CNTLN: variants seen among roughly 807,000 people sequenced by gnomAD.
CNTLN encodes centlein, also known as centlein, centrosomal protein.
CNTLN carries 212 observed loss-of-function variants against 180.0 expected under a neutral mutation model. The observed-to-expected ratio is 1.18, with a 90% CI of 1.05 to 1.32. The LOEUF (loss-of-function observed/expected upper bound fraction) is 1.32, where lower values mean the gene tolerates loss of function less well. CNTLN is among the 40% of genes most tolerant of loss of function. The pLI is 0.00. For synonymous variants in CNTLN, 722 were observed against 563.1 expected (o/e 1.28, Z -3.99); for missense variants, 2,095 against 1,610.9 (o/e 1.30, Z -5.14).
chr9:17,516,290 G>A, the CNTLN span, among the ~76,000 whole-genome samples: 11 of 152,142 alleles, frequency 7.2e-5, no homozygotes, highest in East Asian at 5.8e-4. Context: ...TCTATAGACC[G>A]TAAGTCATGT....
intron 5 of CNTLN, among the ~76,000 whole-genome samples, chr9:17,254,575 T>C (rs947111380): frequency 1.3e-5 from 2 of 151,608 alleles, no homozygotes; most frequent in African/African-American, 4.8e-5. Context: ...AGTCATCAGT[T>C]GGTCTTGGTA....
chr9:17,359,893 G>A (rs1362474500), intron 12 of CNTLN, among the ~76,000 whole-genome samples: 2 of 151,112 alleles, frequency 1.3e-5, no homozygotes, highest in East Asian at 3.9e-4. Flanking sequence ...GAGTGAGGCT[G>A]TCTCAAAAAA....
chr9:17,319,548 C>T (rs1435868759), intron 8 of CNTLN, among the ~76,000 whole-genome samples: 1 of 152,090 alleles, frequency 6.6e-6, no homozygotes, highest in East Asian at 1.9e-4. Flanking sequence ...TGGATAAAAA[C>T]ATAGATTCTA....
intron 2 of CNTLN, among the ~76,000 whole-genome samples, chr9:17,157,852 C>T (rs1025131417): frequency 3.3e-5 from 5 of 152,172 alleles, no homozygotes; most frequent in Admixed American, 2.6e-4. Context: ...GCAAAGCAAC[C>T]ACAGGTTGTC....
chr9:17,512,388 G>A, the CNTLN span, among the ~76,000 whole-genome samples: 6 of 152,154 alleles, frequency 3.9e-5, no homozygotes, highest in African/African-American at 1.4e-4. Flanking sequence ...TGCAGTTGGA[G>A]GCCATTATCC....
chr9:17,489,032 T>C (rs1013996184), intron 25 of CNTLN, among the ~76,000 whole-genome samples: 60 of 152,302 alleles, frequency 3.9e-4, no homozygotes, highest in Non-Finnish European at 8.2e-4. Flanking sequence ...GTTTTGCTGA[T>C]GTCTTTGAAT....
chr9:17,439,548 G>A (rs1230817810), intron 18 of CNTLN, among the ~76,000 whole-genome samples: 1 of 152,172 alleles, frequency 6.6e-6, no homozygotes, highest in Admixed American at 6.5e-5. Context: ...ATGTGACTAA[G>A]GTGGTACTCA....
chr9:17,192,239 C>CT (rs202082553), intron 2 of CNTLN, among the ~76,000 whole-genome samples: 3,558 of 134,478 alleles, frequency 0.026, 64 homozygotes, highest in East Asian at 0.076. Flanking sequence ...AGGCCCTATT[C>CT]TTTTTTTTTT....
At chr9:17,474,628 G>C (rs1191572258) in intron 23 of CNTLN, among the ~76,000 whole-genome samples, 1 of 152,140 alleles carries the variant, frequency 6.6e-6, no homozygotes, top group Non-Finnish European at 1.5e-5. Context: ...CAGCACTTTG[G>C]GAGGCCGAGG....
chr9:17,320,280 T>TA (rs1819815801), intron 8 of CNTLN, among the ~76,000 whole-genome samples: 1 of 152,186 alleles, frequency 6.6e-6, no homozygotes, highest in African/African-American at 2.4e-5. Flanking sequence ...TTATAATTTT[T>TA]ATTACAAAAT....
chr9:17,198,835 C>T (rs955805979), intron 2 of CNTLN, among the ~76,000 whole-genome samples: 2 of 152,006 alleles, frequency 1.3e-5, no homozygotes, highest in African/African-American at 2.4e-5. Context: ...CAGCTTCATC[C>T]ATGTCCCTGC....
chr9:17,156,081 A>T (rs10123876), intron 2 of CNTLN, among the ~76,000 whole-genome samples: 6 of 152,166 alleles, frequency 3.9e-5, no homozygotes, highest in East Asian at 1.9e-4. Flanking sequence ...GCGAGTCCCA[A>T]TGAGATGAAC....
At chr9:17,379,412 C>T (rs887331913) in intron 13 of CNTLN, among the ~76,000 whole-genome samples, 2 of 152,146 alleles carry the variant, frequency 1.3e-5, no homozygotes, top group African/African-American at 4.8e-5. Context: ...CCTGCAAACT[C>T]TAGCTCACTT....
rs1038160676 is a variant in CNTLN at position 17,301,685 on chromosome 9, A to G, written c.1146+3333A>G. The G allele has an allele frequency of 3.4e-5, 33 of 964,162 alleles. No homozygotes were observed. The African/African-American group carries it at 5.5e-4, about 16-fold the overall frequency. 59.7% of individuals were successfully genotyped at this position (964,162 alleles called of 1,614,324 possible). On this transcript the variant is annotated intron_variant, in intron 7 of 25. Transcript: ENST00000380647. Reference sequence around the variant, plus strand: ...TCATACAGTTTTCATTAGTATCCTCAACTAGACTCAATTTGAAAATATTCT... The same window carrying G: ...TCATACAGTTTTCATTAGTATCCTCGACTAGACTCAATTTGAAAATATTCT...
intron 2 of CNTLN, among the ~76,000 whole-genome samples, chr9:17,185,962 T>G (rs757676196): frequency 1.6e-4 from 24 of 152,154 alleles, no homozygotes; most frequent in Non-Finnish European, 2.9e-4. Context: ...CTGGCTAATT[T>G]TTAAATTTTT....
intron 2 of CNTLN, among the ~76,000 whole-genome samples, chr9:17,175,108 A>G (rs1472855479): frequency 3.3e-5 from 5 of 152,118 alleles, no homozygotes; most frequent in Non-Finnish European, 5.9e-5. Flanking sequence ...TCATCCTCTT[A>G]ACAAGGTCTT....
chr9:17,445,553 C>G (rs903387240), intron 18 of CNTLN, among the ~76,000 whole-genome samples: 1 of 152,180 alleles, frequency 6.6e-6, no homozygotes, highest in African/African-American at 2.4e-5. Context: ...GGATTAAGTG[C>G]GGTGCAAGAT....
intron 2 of CNTLN, among the ~76,000 whole-genome samples, chr9:17,147,451 T>C (rs2774625): frequency 0.043 from 6,500 of 152,188 alleles, 456 homozygotes; most frequent in African/African-American, 0.15. Flanking sequence ...TACTTACTAA[T>C]TGGGTACTTA....
intron 18 of CNTLN, among the ~76,000 whole-genome samples, chr9:17,441,362 A>T (rs928108668): frequency 1.3e-5 from 2 of 152,182 alleles, no homozygotes; most frequent in African/African-American, 4.8e-5. Context: ...TAAAAAACAT[A>T]ACTAAAAATA....
Sources: gnomAD v4.1 joint callset for allele counts (sites outside exome capture counted in the v4.1 genomes callset) on GRCh38, gnomAD v4.1.1 for gene constraint, MANE v1.5 for transcripts, NCBI Gene and HGNC (gene_info 2026-07-23, HGNC 2026-07-21) for gene names.